Variants in RAB17 observed in about 807,000 individuals in gnomAD.
RAB17 encodes ras-related protein Rab-17.
In RAB17, 15 loss-of-function variants were observed where a neutral mutation model predicts 19.3. The ratio of observed to expected loss-of-function variants is 0.78; its 90% CI spans 0.52 to 1.20. The LOEUF (loss-of-function observed/expected upper bound fraction) is 1.20, where lower values mean the gene tolerates loss of function less well. Among genes scored for constraint, RAB17 ranks in the 50% most tolerant of loss-of-function variants. The pLI is 0.00. For missense variants in RAB17, 262 were observed against 269.3 expected (o/e 0.97, Z 0.19); for synonymous variants, 110 against 112.8 (o/e 0.97, Z 0.16).
chr2:237,574,441 A>G lies in RAB17; in HGVS notation c.*578T>C. ...TTGGACAGAAACTCAGCTTCACCAC[A>G]TTGCCAGCCGGGAGACCATGGAAGG... On this transcript the variant is annotated 3_prime_UTR_variant, in exon 6 of 6. Coordinates refer to ENST00000264601, the MANE Select transcript of RAB17 (RefSeq NM_022449.4). 6.5e-7 allele frequency: 1 copy of G among 1,549,718 alleles called. No individual in the cohort carries two copies. Among genetic ancestry groups the G allele is most frequent in the Non-Finnish European group, 8.7e-7 (1 of 1,146,452 alleles).
chr2:237,580,258 CTTG>C (rs1196293268), intron 2 of RAB17, among the ~76,000 whole-genome samples: 1 of 152,200 alleles, frequency 6.6e-6, no homozygotes, highest in African/African-American at 2.4e-5. Flanking sequence ...TCTTTGTGGA[CTTG>C]TTGTCTTAAA....
intron 4 of RAB17, 90 bp downstream of exon 4, chr2:237,577,167 G>T: frequency 6.7e-7 from 1 of 1,485,348 alleles, no homozygotes; most frequent in Non-Finnish European, 9.1e-7. Context: ...GGGTGTGCGT[G>T]TATGAAAGTG....
chr2:237,577,515 T>C, intron 3 of RAB17, 133 bp from the exon 4 acceptor site: 3 of 1,039,860 alleles, frequency 2.9e-6, no homozygotes, highest in East Asian at 2.6e-5. Flanking sequence ...TGGGCGCACC[T>C]GCAGGGCTGC....
chr2:237,574,343 A>G lies in RAB17; in HGVS notation c.*676T>C. On this transcript the variant is annotated 3_prime_UTR_variant, in exon 6 of 6. Transcript: ENST00000264601. ...AAGCCAGATTGTCAAAAGCAATTTA[A>G]TTTTTGGAGGAAAAACTGCATACGC... The G allele has an allele frequency of 2.8e-6, 4 of 1,441,914 alleles. 1 individual carries two copies. The highest frequency in any genetic ancestry group is 3.1e-5 in the South Asian group (2 of 65,176). The allele number at this position is 1,441,914 out of a possible 1,614,324, so 89.3% of individuals were successfully genotyped here.
intron 2 of RAB17, 148 bp downstream of exon 2, chr2:237,585,850 C>T: frequency 2.6e-6 from 2 of 759,306 alleles, no homozygotes; most frequent in Non-Finnish European, 4.1e-6. Flanking sequence ...GGACCTCACC[C>T]CCTCCCCTCA....
At chr2:237,584,606 T>C (rs895229579) in intron 2 of RAB17, among the ~76,000 whole-genome samples, 3 of 152,152 alleles carry the variant, frequency 2.0e-5, no homozygotes, top group South Asian at 2.1e-4. Flanking sequence ...AGCCACAGTG[T>C]GCAGACCTCC....
chr2:237,580,107 G>T (rs1365502133), intron 2 of RAB17, among the ~76,000 whole-genome samples: 1 of 152,246 alleles, frequency 6.6e-6, no homozygotes, highest in Non-Finnish European at 1.5e-5. Context: ...TCTGATGGCA[G>T]CTTGCTTAAA....
intron 2 of RAB17, chr2:237,585,502 A>G (rs1190025859): frequency 6.2e-6 from 1 of 161,972 alleles, no homozygotes; most frequent in Non-Finnish European, 1.5e-5. Flanking sequence ...CACCCCCAAA[A>G]TGATCTTCCC....
intron 1 of RAB17, 142 bp from the exon 2 acceptor site, chr2:237,586,299 C>T: frequency 1.3e-6 from 1 of 752,892 alleles, no homozygotes; most frequent in Non-Finnish European, 2.0e-6. Flanking sequence ...TAGGTCCACA[C>T]TCCTGCTTCC....
intron 1 of RAB17, among the ~76,000 whole-genome samples, chr2:237,587,858 GAAAGAA>G (rs1574938701): frequency 6.8e-6 from 1 of 146,850 alleles, no homozygotes; most frequent in Non-Finnish European, 1.5e-5. Flanking sequence ...AAAAGAAAAA[GAAAGAA>G]AAAGAAAAAG....
chr2:237,586,681 C>G (rs1308724524), intron 1 of RAB17, among the ~76,000 whole-genome samples: 1 of 152,116 alleles, frequency 6.6e-6, no homozygotes, highest in Non-Finnish European at 1.5e-5. Context: ...GCCTCAGAAC[C>G]CACAGTAATA....
chr2:237,577,016 CTG>C (rs140376941), intron 4 of RAB17, among the ~76,000 whole-genome samples: 3 of 151,960 alleles, frequency 2.0e-5, no homozygotes, highest in South Asian at 2.1e-4. Flanking sequence ...AGGTGGAAAG[CTG>C]TGTGTGTGTG....
intron 4 of RAB17, 94 bp downstream of exon 4, chr2:237,577,163 G>A (rs1408231791): frequency 3.5e-5 from 51 of 1,452,308 alleles, no homozygotes; most frequent in Non-Finnish European, 4.3e-5. Flanking sequence ...GTGTGGGTGT[G>A]CGTGTATGAA....
chr2:237,575,240 T>A, intron 5 of RAB17, 112 bp from the exon 6 acceptor site: 2 of 1,051,914 alleles, frequency 1.9e-6, no homozygotes, highest in South Asian at 1.5e-5. Context: ...CCCTGAACCA[T>A]AGAACAAGGG....
intron 2 of RAB17, among the ~76,000 whole-genome samples, chr2:237,581,292 T>C (rs1310262701): frequency 2.6e-5 from 4 of 151,760 alleles, no homozygotes; most frequent in South Asian, 4.2e-4. Flanking sequence ...GAGGCTTGCT[T>C]GAGCCCAGGA....
intron 4 of RAB17, chr2:237,576,825 G>A (rs778872157): frequency 4.1e-4 from 181 of 440,446 alleles, no homozygotes; most frequent in Non-Finnish European, 7.3e-4. Flanking sequence ...AGCCCCTTCT[G>A]GGAACAGAGT....
chr2:237,574,835 C>A lies in RAB17; in HGVS notation c.*184G>T. On this transcript the variant is annotated 3_prime_UTR_variant, in exon 6 of 6. Coordinates refer to ENST00000264601, the MANE Select transcript of RAB17 (RefSeq NM_022449.4). ...CAGCACTTTCCTGGGAGCCATGTGA[C>A]GCCAGATCTTCCTCTGGCAGTTCCC... The A allele has an allele frequency of 1.2e-6, 1 of 818,434 alleles. No individual in the cohort carries two copies. The highest frequency in any genetic ancestry group is 1.8e-6 in the Non-Finnish European group (1 of 551,548). 50.7% of individuals were successfully genotyped at this position (818,434 alleles called of 1,614,324 possible).
chr2:237,579,028 T>C (rs1016627969), intron 2 of RAB17: 1 of 152,260 alleles, frequency 6.6e-6, no homozygotes, highest in African/African-American at 2.4e-5. Flanking sequence ...TATATGATTT[T>C]AAAATGGTTA....
chr2:237,580,018 C>G (rs747550446), intron 2 of RAB17, among the ~76,000 whole-genome samples: 1 of 152,228 alleles, frequency 6.6e-6, no homozygotes, highest in Non-Finnish European at 1.5e-5. Flanking sequence ...CCTCTGAACA[C>G]ACCAGATGCT....
Sources: allele counts gnomAD v4.1 joint callset (sites outside exome capture counted in the v4.1 genomes callset), GRCh38; gene constraint gnomAD v4.1.1; transcripts MANE v1.5; gene names NCBI Gene and HGNC (gene_info 2026-07-23, HGNC 2026-07-21).